SPTBN4: variants seen among roughly 807,000 people sequenced by gnomAD.
SPTBN4 encodes the protein spectrin beta chain, non-erythrocytic 4.
SPTBN4 carries 96 observed loss-of-function variants against 277.8 expected under a neutral mutation model. The ratio of observed to expected loss-of-function variants is 0.35; its 90% confidence interval spans 0.29 to 0.41. The LOEUF (loss-of-function observed/expected upper bound fraction) is 0.41, where lower values mean the gene tolerates loss of function less well. Ranked by LOEUF, SPTBN4 falls within the 10% of genes least tolerant of loss-of-function variation. The probability of loss-of-function intolerance (pLI) is 1.00; values close to 1 mark genes in which losing one functional copy is unlikely to be tolerated. For synonymous variants in SPTBN4, 1,481 were observed against 1,580.3 expected (o/e 0.94, Z 1.49); for missense variants, 3,006 against 3,595.7 (o/e 0.84, Z 4.19).
rs566361033 is a variant in SPTBN4, at chr19:40,527,526, G to A, written c.3858-1515G>A. ...AGTGCTAAGGAGAAAATTAAAGAAG[G>A]GAAGAAAGCCAGAAAGTGTTGGGGA... is the stretch of plus-strand genomic sequence containing the variant. On this transcript the variant is annotated intron_variant, in intron 17 of 35. Coordinates refer to ENST00000598249, the MANE Select transcript of SPTBN4 (RefSeq NM_020971.3). Among the ~76,000 whole-genome samples, 30 of 152,330 alleles carry A rather than the reference G, an allele frequency of 2.0e-4. No homozygotes were observed. In the South Asian group the frequency reaches 6.2e-3, roughly 32 times the overall value.
intron 32 of SPTBN4, 52 bp from the exon 33 acceptor site, chr19:40,570,384 C>A: frequency 4.3e-6 from 6 of 1,391,650 alleles, no homozygotes; most frequent in African/African-American, 1.5e-5. Context: ...AAACAGATGA[C>A]CCCCACACCC....
In SPTBN4 at chr19:40,560,853, G is replaced by T. The variant is rs1204618785; in HGVS notation, c.5915+450G>T. On this transcript the variant is annotated intron_variant, in intron 27 of 35. Coordinates refer to ENST00000598249, the MANE Select transcript of SPTBN4 (RefSeq NM_020971.3). This position sits in a 1 kb window ranked among gnomAD's most constrained non-coding sequence, Gnocchi z 5.2. ...CTGTCCCCTGGTGATTGGGAGCCAGGGTCCTTCCATCATGCCACCCTGGGA... is the reference window on the plus strand; with the variant it reads ...CTGTCCCCTGGTGATTGGGAGCCAGTGTCCTTCCATCATGCCACCCTGGGA... 2 of 643,658 alleles carry T rather than the reference G, an allele frequency of 3.1e-6. No individual in the cohort carries two copies. The highest frequency in any genetic ancestry group is 4.0e-6 in the Non-Finnish European group (2 of 496,962). The allele number at this position is 643,658 out of a possible 1,614,324, so 39.9% of individuals were successfully genotyped here.
At chr19:40,542,148 C>T (rs373296347) in intron 20 of SPTBN4, among the ~76,000 whole-genome samples, 2 of 152,184 alleles carry the variant, frequency 1.3e-5, no homozygotes, top group Non-Finnish European at 2.9e-5. Context: ...TCTTGAACTC[C>T]TGACCTCAGG....
At position 40,515,329 on chromosome 19, in the gene SPTBN4, A is replaced by C; in HGVS notation, c.2784A>C (p.Gln928His). The C allele has an allele frequency of 6.2e-7, 1 of 1,612,822 alleles. No homozygotes were observed. The highest frequency in any genetic ancestry group is 8.5e-7 in the Non-Finnish European group (1 of 1,179,612). Reference sequence around the variant, plus strand: ...CCTGCAGATTCGAGAGCCTGGACCAAGAGATGAACAGCCTGATGGGCCGCG... The same window carrying C: ...CCTGCAGATTCGAGAGCCTGGACCACGAGATGAACAGCCTGATGGGCCGCG... ...VVQHRFESLD[Q>H]EMNSLMGRVL... Residue 928 changes from glutamine (Q) to histidine (H), a missense_variant, in exon 15 of 36, where the codon CAA (glutamine) becomes CAC (histidine). Physicochemically the swap from Gln to His is conservative, Grantham distance 24. Coordinates refer to ENST00000598249, the MANE Select transcript of SPTBN4 (RefSeq NM_020971.3). This position sits in a 1 kb window ranked among gnomAD's most constrained non-coding sequence, Gnocchi z 4.1.
At position 40,519,458 on chromosome 19, in the gene SPTBN4, G is replaced by C. The variant is rs374378154; in HGVS notation, c.2961G>C (p.Leu987=). The change falls in exon 16 of 36, where the codon CTG becomes CTC. Residue 987 remains leucine (L), a synonymous_variant. Coordinates refer to ENST00000598249, the MANE Select transcript of SPTBN4 (RefSeq NM_020971.3). This position sits in a 1 kb window ranked among gnomAD's most constrained non-coding sequence, Gnocchi z 5.7. ...EQRKEEMSAV[L]LVENHVLEVA... ...GCAAAGAGGAAATGAGCGCGGTGCTGCTGGTGGAGAACCACGTGCTGGAGG... is the reference window on the plus strand; with the variant it reads ...GCAAAGAGGAAATGAGCGCGGTGCTCCTGGTGGAGAACCACGTGCTGGAGG... 6.2e-7 allele frequency: 1 copy of C among 1,607,212 alleles called. No homozygotes were observed. Among genetic ancestry groups the C allele is most frequent in the Middle Eastern group, 1.7e-4 (1 of 6,034 alleles).
At chr19:40,549,099 G>T (rs1167705019) in intron 20 of SPTBN4, 90 bp from the exon 21 acceptor site, 3 of 1,091,484 alleles carry the variant, frequency 2.7e-6, no homozygotes, top group Admixed American at 2.7e-5. Flanking sequence ...CCGCGGTGAG[G>T]GGTCTGGCTG....
rs561690183 is a variant in SPTBN4, at chr19:40,507,261, G to A, written c.1816+875G>A. Among the ~76,000 whole-genome samples the A allele has an allele frequency of 3.9e-5, 6 of 152,004 alleles. No homozygotes were observed. In the South Asian group the frequency reaches 1.0e-3, roughly 26 times the overall value. The stretch of plus-strand genomic sequence containing the variant: ...GCCTGGGAAGTCGAGGCTGCAGTAA[G>A]CCAAGATTGTGCCACTAAACTCCAG... On this transcript the variant is annotated intron_variant, in intron 13 of 35. Coordinates refer to ENST00000598249, the MANE Select transcript of SPTBN4 (RefSeq NM_020971.3).
chr19:40,520,968 A>C (rs1489320808), intron 16 of SPTBN4, among the ~76,000 whole-genome samples: 1 of 151,586 alleles, frequency 6.6e-6, no homozygotes, highest in Non-Finnish European at 1.5e-5. Context: ...CTCTGTAGCT[A>C]GGCTGGAGGG....
chr19:40,553,307 T>C (rs2080939160), intron 22 of SPTBN4, among the ~76,000 whole-genome samples: 1 of 152,036 alleles, frequency 6.6e-6, no homozygotes, highest in African/African-American at 2.4e-5. Context: ...TAGCAAGACC[T>C]CGTCTCTCCA....
At chr19:40,483,679 G>A (rs2080037402) in intron 2 of SPTBN4, among the ~76,000 whole-genome samples, 1 of 152,148 alleles carries the variant, frequency 6.6e-6, no homozygotes, top group Admixed American at 6.6e-5. Flanking sequence ...AGTGATGGCA[G>A]AAAAGATGCT....
Position 40,502,487 on chromosome 19 carries a change from G to T in SPTBN4, c.1183G>T (p.Gly395Cys), listed in dbSNP as rs143156941. The change falls in exon 10 of 36, where the codon GGC becomes TGC. Residue 395 changes from glycine (G) to cysteine (C), a missense_variant. This residue lies in a region of SPTBN4 where 1,759 missense variants were observed against 2,061.5 expected (regional missense o/e 0.85). Transcript: ENST00000598249. This position sits in a 1 kb window ranked among gnomAD's most constrained non-coding sequence, Gnocchi z 4.9. ...RRLFVPREGC[G>C]IWDIDKAWGE... ...CCTCTTTGTGCCTCGGGAGGGCTGT[G>T]GCATCTGGGATATTGACAAGGTGAG... The T allele has an allele frequency of 1.2e-5, 20 of 1,612,962 alleles. No homozygotes were observed. The highest frequency in any genetic ancestry group is 1.6e-5 in the Non-Finnish European group (19 of 1,179,788).
rs374588723 is a variant in SPTBN4, at chr19:40,490,278, C to T, written c.495+30C>T. On this transcript the variant is annotated intron_variant, in intron 4 of 35. Coordinates refer to ENST00000598249, the MANE Select transcript of SPTBN4 (RefSeq NM_020971.3). This position sits in a 1 kb window ranked among gnomAD's most constrained non-coding sequence, Gnocchi z 4.3. ...CCCTCGAGTGGCCCCTGCCAAGCCC[C>T]GCAACATGGGACTTAGGAAAGCGTT... 1.3e-5 allele frequency: 21 copies of T among 1,602,512 alleles called. No homozygotes were observed. Among genetic ancestry groups the T allele is most frequent in the East Asian group, 2.3e-5 (1 of 44,306 alleles).
chr19:40,523,827 G>A (rs1268171803), intron 17 of SPTBN4, among the ~76,000 whole-genome samples, 188 bp downstream of exon 17: 1 of 151,248 alleles, frequency 6.6e-6, no homozygotes, highest in Admixed American at 6.6e-5. Context: ...TTTTTGAGAC[G>A]GGGTCTCACT....
At chr19:40,566,054 G>C in intron 29 of SPTBN4, 109 bp from the exon 30 acceptor site, 1 of 1,206,678 alleles carries the variant, frequency 8.3e-7, no homozygotes, top group Non-Finnish European at 1.1e-6. Flanking sequence ...GGATGGTCAG[G>C]GCTCGGGTAT....
At chr19:40,534,557 A>G (rs2080713972) in intron 20 of SPTBN4, 1 of 623,442 alleles carries the variant, frequency 1.6e-6, no homozygotes, top group African/African-American at 1.8e-5. Context: ...ACAAAGGGAA[A>G]AGGAAGGATC....
chr19:40,560,425 G>A lies in SPTBN4; in HGVS notation c.5915+22G>A. 1 of 1,613,624 alleles carries A rather than the reference G, an allele frequency of 6.2e-7. No individual in the cohort carries two copies. Among genetic ancestry groups the A allele is most frequent in the Non-Finnish European group, 8.5e-7 (1 of 1,179,822 alleles). On this transcript the variant is annotated intron_variant, in intron 27 of 35. Transcript: ENST00000598249. This position sits in a 1 kb window ranked among gnomAD's most constrained non-coding sequence, Gnocchi z 5.2. ...CCAGGTGCCCCTCATCCCTCCTCGGGCTTCCTGCCTCCCCCTGGTGGCCTA... is the reference window on the plus strand; with the variant it reads ...CCAGGTGCCCCTCATCCCTCCTCGGACTTCCTGCCTCCCCCTGGTGGCCTA...
chr19:40,557,774 C>G (rs143264247), intron 26 of SPTBN4, among the ~76,000 whole-genome samples: 1 of 151,670 alleles, frequency 6.6e-6, no homozygotes, highest in African/African-American at 2.4e-5. Context: ...GAAAATTAGC[C>G]AGGTCTGGTG....
rs1183115466 is a variant in SPTBN4 at position 40,470,044 on chromosome 19, G to A, written c.-15-2563G>A. On this transcript the variant is annotated intron_variant, in intron 1 of 35. Coordinates refer to ENST00000598249, the MANE Select transcript of SPTBN4 (RefSeq NM_020971.3). ...GATGGGGTCTCACTCTGTCGCCCAG[G>A]CTGGAGTGCAGTGGCACGATCTCAG... 4.6e-5 allele frequency among the ~76,000 whole-genome samples: 7 copies of A among 151,960 alleles called. 1 individual carries two copies. In the South Asian group the frequency reaches 1.5e-3, roughly 32 times the overall value.
Position 40,490,067 on chromosome 19 carries a change from C to T in SPTBN4, c.322-8C>T. 5.0e-6 allele frequency: 8 copies of T among 1,595,392 alleles called. No individual in the cohort carries two copies. Among genetic ancestry groups the T allele is most frequent in the Non-Finnish European group, 6.8e-6 (8 of 1,168,834 alleles). ...ACCCCCGATCGCCCACCGCCCCTGTCGCCCTAGCCCAGGCCCACGCGCGGC... is the reference window on the plus strand; with the variant it reads ...ACCCCCGATCGCCCACCGCCCCTGTTGCCCTAGCCCAGGCCCACGCGCGGC... On this transcript the variant is annotated splice_polypyrimidine_tract_variant and splice_region_variant and intron_variant, in intron 3 of 35. Transcript: ENST00000598249. This position sits in a 1 kb window ranked among gnomAD's most constrained non-coding sequence, Gnocchi z 4.3.
Sources: allele counts gnomAD v4.1 joint callset (sites outside exome capture counted in the v4.1 genomes callset), GRCh38; gene constraint gnomAD v4.1.1; regional missense constraint gnomAD v4.1.1; non-coding constraint Gnocchi (gnomAD v3.1); transcripts MANE v1.5; gene names NCBI Gene and HGNC (gene_info 2026-07-23, HGNC 2026-07-21).